Variants in AKT2 observed in about 807,000 individuals in gnomAD.
AKT2 encodes the protein AKT serine/threonine kinase 2, also known as RAC-beta serine/threonine-protein kinase.
A neutral mutation model predicts 58.6 loss-of-function variants in AKT2; 16 were observed. The ratio of observed to expected loss-of-function variants is 0.27; its 90% CI spans 0.18 to 0.41. The LOEUF (loss-of-function observed/expected upper bound fraction) is 0.41, where lower values mean the gene tolerates loss of function less well. Among genes scored for constraint, AKT2 ranks in the 10% least tolerant of loss-of-function variants. The pLI is 1.00. For missense variants in AKT2, 438 were observed against 661.0 expected, an observed-to-expected ratio of 0.66 and a Z score of 3.70; for synonymous variants, 253 against 254.0, an observed-to-expected ratio of 1.00 and a Z score of 0.04.
chr19:40,239,121 T>G, intron 7 of AKT2, 148 bp from the exon 8 acceptor site: 3 of 662,980 alleles, frequency 4.5e-6, no homozygotes, highest in Non-Finnish European at 7.7e-6. Flanking sequence ...GGGGTTCACA[T>G]ACCGGCTGCA....
At chr19:40,280,529 C>G (rs1247274494) in intron 1 of AKT2, among the ~76,000 whole-genome samples, 1 of 152,184 alleles carries the variant, frequency 6.6e-6, no homozygotes, top group Non-Finnish European at 1.5e-5. Flanking sequence ...CTGAATCTGA[C>G]CAGGCTGTTC....
rs1568517306 is a variant in AKT2 at position 40,235,383 on chromosome 19, C to CGGA, written c.1176-36_1176-34dup. ...GAGACGGCCGTCAGCACCTGCCTCC[C>CGGA]GGAGCAGCTGGGTTCGGGCAGACGG... On this transcript the variant is annotated intron_variant, in intron 11 of 13. Coordinates refer to ENST00000392038, the MANE Select transcript of AKT2 (RefSeq NM_001626.6). The surrounding 1 kb of genome is among the most constrained non-coding windows in gnomAD (Gnocchi z 6.3). 1 of 1,610,194 alleles carries CGGA rather than the reference C, an allele frequency of 6.2e-7. No homozygotes were observed.
chr19:40,243,466 G>A (rs1220336540), intron 4 of AKT2: 1 of 152,538 alleles, frequency 6.6e-6, no homozygotes, highest in Non-Finnish European at 1.5e-5. Context: ...GGACTCCCTG[G>A]AGGGGACAGT....
chr19:40,278,952 C>T (rs11669006), intron 1 of AKT2, among the ~76,000 whole-genome samples: 16 of 151,622 alleles, frequency 1.1e-4, no homozygotes, highest in Non-Finnish European at 1.8e-4. Context: ...CACTCAGCAG[C>T]CCCAGCTGGG....
In AKT2 at chr19:40,231,552, G is replaced by A. The variant is rs987203275; in HGVS notation, c.*2320C>T. On this transcript the variant is annotated 3_prime_UTR_variant, in exon 14 of 14. Coordinates refer to ENST00000392038, the MANE Select transcript of AKT2 (RefSeq NM_001626.6). The stretch of plus-strand genomic sequence containing the variant: ...TTAAAATCTCAAAGACTCAATGGGT[G>A]TGAAGTGCTAACACCTTGCGGCAAA... The A allele has an allele frequency of 4.3e-6, 1 of 233,376 alleles. No individual in the cohort carries two copies. Among genetic ancestry groups the A allele is most frequent in the Non-Finnish European group, 8.5e-6 (1 of 118,082 alleles). 14.5% of individuals were successfully genotyped at this position (233,376 alleles called of 1,614,324 possible).
At chr19:40,275,154 C>T (rs1324461871) in intron 1 of AKT2, 1 of 456,840 alleles carries the variant, frequency 2.2e-6, no homozygotes, top group Non-Finnish European at 4.4e-6. Flanking sequence ...CCCTCTCCTC[C>T]GAGCCCTGAG....
intron 1 of AKT2, among the ~76,000 whole-genome samples, chr19:40,284,133 C>A (rs1184793934): frequency 6.6e-6 from 1 of 152,118 alleles, no homozygotes; most frequent in Non-Finnish European, 1.5e-5. Flanking sequence ...TCTTGCTGAG[C>A]CCCAAGAGGT....
Position 40,230,903 on chromosome 19 carries a change from G to A in AKT2, c.*2969C>T. 1 of 186,662 alleles carries A rather than the reference G, an allele frequency of 5.4e-6. No homozygotes were observed. The highest frequency in any genetic ancestry group is 8.6e-5 in the East Asian group (1 of 11,624). The allele number at this position is 186,662 out of a possible 1,614,324, so 11.6% of individuals were successfully genotyped here. On this transcript the variant is annotated 3_prime_UTR_variant, in exon 14 of 14. Transcript: ENST00000392038. ...TGCCCAGCTAATTTTTGTATTTTTTGTAGAGATGAAGGTCTCCCTATGATG... is the reference window on the plus strand; with the variant it reads ...TGCCCAGCTAATTTTTGTATTTTTTATAGAGATGAAGGTCTCCCTATGATG...
chr19:40,259,467 G>A (rs1975786310), intron 2 of AKT2, among the ~76,000 whole-genome samples: 1 of 152,194 alleles, frequency 6.6e-6, no homozygotes, highest in South Asian at 2.1e-4. Context: ...GAATATAAGA[G>A]CTAAAACTAC....
At chr19:40,256,410 G>C (rs1468461894) in intron 3 of AKT2, among the ~76,000 whole-genome samples, 2 of 152,154 alleles carry the variant, frequency 1.3e-5, no homozygotes, top group African/African-American at 4.8e-5. Flanking sequence ...GCAGCGATGT[G>C]GACAGGACCA....
intron 1 of AKT2, chr19:40,283,253 T>C (rs2077455593): frequency 6.6e-6 from 1 of 152,308 alleles, no homozygotes; most frequent in African/African-American, 2.4e-5. Context: ...TTTATCTATA[T>C]GAAGCATTCC....
chr19:40,258,264 C>A (rs28817124), intron 2 of AKT2, among the ~76,000 whole-genome samples: 5,528 of 99,716 alleles, frequency 0.055, 75 homozygotes, highest in African/African-American at 0.1. Flanking sequence ...AAAAAAAAAA[C>A]AAAAAAAAAA....
chr19:40,236,471 G>A (rs1974034140), intron 9 of AKT2, 86 bp from the exon 10 acceptor site: 3 of 1,584,316 alleles, frequency 1.9e-6, no homozygotes, highest in African/African-American at 1.3e-5. Context: ...AGATGCCCGG[G>A]GCTCCTGGAC....
Position 40,234,070 on chromosome 19 carries a change from A to T in AKT2, c.1367-119T>A. 9.8e-7 allele frequency: 1 copy of T among 1,015,962 alleles called. No homozygotes were observed. The highest frequency in any genetic ancestry group is 1.5e-5 in the South Asian group (1 of 64,624). The allele number at this position is 1,015,962 out of a possible 1,614,324, so 62.9% of individuals were successfully genotyped here. On this transcript the variant is annotated intron_variant, in intron 13 of 13. Coordinates refer to ENST00000392038, the MANE Select transcript of AKT2 (RefSeq NM_001626.6). This position sits in a 1 kb window ranked among gnomAD's most constrained non-coding sequence, Gnocchi z 4.7. ...GGCTGCCCACAGGACAGGACAGGAAAGGCCCATCCCTCCGCAATGGAGGCC... is the reference window on the plus strand; with the variant it reads ...GGCTGCCCACAGGACAGGACAGGAATGGCCCATCCCTCCGCAATGGAGGCC...
chr19:40,274,636 GGCGCAC>G, intron 1 of AKT2: 5 of 226,404 alleles, frequency 2.2e-5, no homozygotes, highest in South Asian at 2.0e-4. Context: ...GTGACAGAAG[GGCGCAC>G]TGAGGCAGCG....
chr19:40,250,699 G>A (rs1406703972), intron 4 of AKT2, among the ~76,000 whole-genome samples: 1 of 151,978 alleles, frequency 6.6e-6, no homozygotes, highest in Non-Finnish European at 1.5e-5. Context: ...GTGGTGGCAG[G>A]CGCCTGTAGT....
At chr19:40,255,438 A>AGTGTGT (rs3049071) in intron 3 of AKT2, 169 bp from the exon 4 acceptor site, 9 of 562,170 alleles carry the variant, frequency 1.6e-5, no homozygotes, top group Admixed American at 2.8e-5. Flanking sequence ...CTCAGGGTCT[A>AGTGTGT]GTGTGTGTGT....
At chr19:40,274,860 G>C (rs2077281584) in intron 1 of AKT2, 1 of 354,140 alleles carries the variant, frequency 2.8e-6, no homozygotes, top group Admixed American at 3.7e-5. Context: ...CTTATTTGGA[G>C]TGAGAGGGGA....
chr19:40,238,104 G>A lies in AKT2; in HGVS notation c.709-13C>T, dbSNP rs367916768. Reference sequence around the variant, plus strand: ...GGTGGAAGAACAGCTGCAGGAGGAAGGGGTGGGGAGAGGAGGTCAGGCCCC... The same window carrying A: ...GGTGGAAGAACAGCTGCAGGAGGAAAGGGTGGGGAGAGGAGGTCAGGCCCC... On this transcript the variant is annotated splice_polypyrimidine_tract_variant and intron_variant, in intron 8 of 13. Coordinates refer to ENST00000392038, the MANE Select transcript of AKT2 (RefSeq NM_001626.6). This position sits in a 1 kb window ranked among gnomAD's most constrained non-coding sequence, Gnocchi z 5.1. The A allele has an allele frequency of 1.3e-6, 2 of 1,587,106 alleles. No homozygotes were observed. The highest frequency in any genetic ancestry group is 1.7e-6 in the Non-Finnish European group (2 of 1,167,286).
Sources: allele counts gnomAD v4.1 joint callset (sites outside exome capture counted in the v4.1 genomes callset), GRCh38; gene constraint gnomAD v4.1.1; non-coding constraint Gnocchi (gnomAD v3.1); transcripts MANE v1.5; gene names NCBI Gene and HGNC (gene_info 2026-07-23, HGNC 2026-07-21).